The following ABCA13 variants were observed in gnomAD, a reference collection of about 807,000 sequenced individuals.
ABCA13 encodes ATP-binding cassette sub-family A member 13.
ABCA13 carries 476 observed loss-of-function variants against 478.7 expected under a neutral mutation model. That is an observed-to-expected ratio of 0.99 (90% confidence interval 0.92 to 1.07). ABCA13 has a LOEUF of 1.07. ABCA13 is among the 50% of genes least tolerant of loss of function. ABCA13 has a pLI of 0.00. For missense variants in ABCA13, 6,060 were observed against 5,910.6 expected (o/e 1.03, Z -0.83); for synonymous variants, 2,252 against 2,158.9 (o/e 1.04, Z -1.20).
At position 48,551,886 on chromosome 7, in the gene ABCA13, C is replaced by A. The variant is rs117646087; in HGVS notation, c.14354+23541C>A. ...TTTCTCACCAGACTCTGGGCATTAT[C>A]CTACTGTCTTCTGACAGTCAGCATG... On this transcript the variant is annotated intron_variant, in intron 55 of 61. Transcript: ENST00000435803. 1.3e-4 allele frequency among the ~76,000 whole-genome samples: 19 copies of A among 151,882 alleles called. No homozygotes were observed. In the East Asian group the frequency reaches 3.7e-3, roughly 29 times the overall value.
In ABCA13 at chr7:48,410,552, G is replaced by A. The variant is rs746720697; in HGVS notation, c.12103G>A (p.Asp4035Asn). ...RTIIFTTHHL[D>N]EAEALSDRVA... ...GATCATCTTCACAACCCACCACCTGGATGAAGCTGAAGCGCTGAGTGACCG... is the reference window on the plus strand; with the variant it reads ...GATCATCTTCACAACCCACCACCTGAATGAAGCTGAAGCGCTGAGTGACCG... Residue 4035 changes from aspartate to asparagine, a missense_variant, in exon 40 of 62, where the codon GAT (aspartate) becomes AAT (asparagine). Asp to Asn is a conservative substitution (Grantham distance 23, BLOSUM62 1). Around this residue, in one of 3 missense-constraint regions of ABCA13, gnomAD observed 1,627 missense variants for 1,571.0 expected, o/e 1.04. Transcript: ENST00000435803. 6.2e-7 allele frequency: 1 copy of A among 1,614,030 alleles called. No homozygotes were observed. The highest frequency in any genetic ancestry group is 1.1e-5 in the South Asian group (1 of 91,086).
intron 31 of ABCA13, among the ~76,000 whole-genome samples, chr7:48,357,095 AC>A (rs1222146297): frequency 1.4e-4 from 21 of 151,742 alleles, no homozygotes; most frequent in African/African-American, 4.9e-4. Context: ...TTGCATCTGG[AC>A]TTTGATGTGT....
At chr7:48,221,386 T>G in intron 5 of ABCA13, 77 bp downstream of exon 5, 1 of 728,966 alleles carries the variant, frequency 1.4e-6, no homozygotes, top group South Asian at 1.9e-5. Context: ...TTTTTAAGTT[T>G]ACATTTTCAA....
At chr7:48,528,663 G>T (rs1420382510) in intron 55 of ABCA13, among the ~76,000 whole-genome samples, 1 of 152,094 alleles carries the variant, frequency 6.6e-6, no homozygotes. Context: ...GCAGGAAATG[G>T]CCAAGGGGTG....
chr7:48,331,516 G>C (rs547117288), intron 27 of ABCA13, among the ~76,000 whole-genome samples: 1 of 152,300 alleles, frequency 6.6e-6, no homozygotes, highest in South Asian at 2.1e-4. Context: ...GATCCCAACT[G>C]TGGTCAGTGG....
chr7:48,520,318 C>T (rs750481577), intron 53 of ABCA13, 24 bp downstream of exon 53: 22 of 1,578,572 alleles, frequency 1.4e-5, no homozygotes, highest in Middle Eastern at 1.7e-4. Flanking sequence ...GACTCATCCT[C>T]GAGCTGCACT....
intron 21 of ABCA13, among the ~76,000 whole-genome samples, chr7:48,296,158 T>G (rs1241154428): frequency 6.6e-6 from 1 of 152,122 alleles, no homozygotes; most frequent in Non-Finnish European, 1.5e-5. Context: ...GGGAGGCTGA[T>G]GTGGGAGAAT....
At chr7:48,627,370 T>C (rs903332032) in intron 59 of ABCA13, among the ~76,000 whole-genome samples, 7 of 152,220 alleles carry the variant, frequency 4.6e-5, no homozygotes, top group African/African-American at 9.6e-5. Flanking sequence ...TGATGAAACC[T>C]ACACACTTTA....
chr7:48,173,633 A>G (rs1413265334), intron 1 of ABCA13, among the ~76,000 whole-genome samples: 1 of 152,238 alleles, frequency 6.6e-6, no homozygotes. Flanking sequence ...AAGGTTGTTC[A>G]TTATAGCAAT....
intron 55 of ABCA13, among the ~76,000 whole-genome samples, chr7:48,530,170 A>T (rs946735898): frequency 1.3e-5 from 2 of 152,120 alleles, no homozygotes; most frequent in African/African-American, 4.8e-5. Context: ...TTACAATTAT[A>T]GTGAGAACAT....
chr7:48,619,293 G>A (rs1792896756), intron 59 of ABCA13, among the ~76,000 whole-genome samples: 1 of 151,822 alleles, frequency 6.6e-6, no homozygotes, highest in African/African-American at 2.4e-5. Context: ...TCTGTGACCG[G>A]TCTGTACCAA....
chr7:48,442,825 T>C (rs1823806124), intron 42 of ABCA13, among the ~76,000 whole-genome samples: 1 of 152,190 alleles, frequency 6.6e-6, no homozygotes, highest in African/African-American at 2.4e-5. Flanking sequence ...CTTGGTGTGA[T>C]GGAAAAAGAA....
At chr7:48,526,224 G>A (rs972241084) in intron 54 of ABCA13, among the ~76,000 whole-genome samples, 22 of 152,050 alleles carry the variant, frequency 1.4e-4, no homozygotes, top group Non-Finnish European at 3.1e-4. Flanking sequence ...AGGAGGGGCC[G>A]GAGACAGCAG....
intron 55 of ABCA13, among the ~76,000 whole-genome samples, chr7:48,571,031 C>G (rs1474009105): frequency 6.6e-6 from 1 of 152,080 alleles, no homozygotes; most frequent in Non-Finnish European, 1.5e-5. Context: ...TTAAAATTCT[C>G]TAATTTAGAT....
chr7:48,482,503 G>T (rs1270418083), intron 46 of ABCA13, among the ~76,000 whole-genome samples: 1 of 151,872 alleles, frequency 6.6e-6, no homozygotes, highest in Non-Finnish European at 1.5e-5. Context: ...TCAGCCTCCT[G>T]AGTAGCTGGG....
At chr7:48,512,875 G>A (rs1585658647) in intron 51 of ABCA13, among the ~76,000 whole-genome samples, 1 of 152,176 alleles carries the variant, frequency 6.6e-6, no homozygotes, top group East Asian at 1.9e-4. Context: ...AGGTTGCAGA[G>A]ACTGGAAAGA....
chr7:48,358,397 A>G (rs1407219812), intron 31 of ABCA13, among the ~76,000 whole-genome samples: 1 of 151,738 alleles, frequency 6.6e-6, no homozygotes, highest in Non-Finnish European at 1.5e-5. Flanking sequence ...GGACCAGTGT[A>G]TGTTTAGTGC....
rs771307844 is a variant in ABCA13, at chr7:48,412,529, C to T, written c.12405C>T (p.Asn4135=). 10 of 1,613,204 alleles carry T rather than the reference C, an allele frequency of 6.2e-6. No individual in the cohort carries two copies. The highest frequency in any genetic ancestry group is 8.5e-6 in the Non-Finnish European group (10 of 1,179,700). ...GGCTCTTCCAGGCCCTGGATGAGAACCTGCATCAGCTGCACCTGACGGGCT... is the reference window on the plus strand; with the variant it reads ...GGCTCTTCCAGGCCCTGGATGAGAATCTGCATCAGCTGCACCTGACGGGCT... ...LKGLFQALDE[N]LHQLHLTGYG... Residue 4135 remains asparagine (N), a synonymous_variant, in exon 41 of 62, where the codon AAC becomes AAT. Transcript: ENST00000435803.
intron 55 of ABCA13, among the ~76,000 whole-genome samples, chr7:48,565,053 T>G (rs1786887488): frequency 6.6e-6 from 1 of 152,086 alleles, no homozygotes. Context: ...GAAAGAAACA[T>G]TAAATGAAAA....
Sources: allele counts gnomAD v4.1 joint callset (sites outside exome capture counted in the v4.1 genomes callset), GRCh38; gene constraint gnomAD v4.1.1; regional missense constraint gnomAD v4.1.1; transcripts MANE v1.5; gene names NCBI Gene and HGNC (gene_info 2026-07-23, HGNC 2026-07-21).